The following MFAP3L variants were observed in gnomAD, a reference collection of about 807,000 sequenced individuals.
MFAP3L encodes microfibrillar-associated protein 3-like.
Under a neutral mutation model 20.0 loss-of-function variants are expected in MFAP3L, and 5 were observed. That is an observed-to-expected ratio of 0.25 (90% CI 0.13 to 0.53). The LOEUF (loss-of-function observed/expected upper bound fraction) is 0.53, where lower values mean the gene tolerates loss of function less well. MFAP3L is among the 20% of genes least tolerant of loss of function. MFAP3L has a pLI of 0.96. For missense variants in MFAP3L, 409 were observed against 527.5 expected, an observed-to-expected ratio of 0.78 and a Z score of 2.20; for synonymous variants, 219 against 213.0, an observed-to-expected ratio of 1.03 and a Z score of -0.25.
intron 1 of MFAP3L, among the ~76,000 whole-genome samples, chr4:170,025,120 T>C (rs1469044105): frequency 6.6e-6 from 1 of 152,232 alleles, no homozygotes; most frequent in Non-Finnish European, 1.5e-5. Flanking sequence ...AATAAACAAC[T>C]GTAGAAACCA....
Position 170,013,445 on chromosome 4 carries a change from C to G in MFAP3L, c.-133-7435G>C, listed in dbSNP as rs540266721. On this transcript the variant is annotated intron_variant, in intron 1 of 2. Coordinates refer to ENST00000361618, the MANE Select transcript of MFAP3L (RefSeq NM_021647.8). ...ATATAATTATCAAGCAAGATAAAAA[C>G]AGGTCTACACATCTCTTCTCAGAAC... is the stretch of plus-strand genomic sequence containing the variant. 2.0e-5 allele frequency among the ~76,000 whole-genome samples: 3 copies of G among 152,256 alleles called. No individual in the cohort carries two copies. The South Asian group carries it at 6.2e-4, about 32-fold the overall frequency.
chr4:169,993,149 GA>G (rs1737859729), intron 2 of MFAP3L, among the ~76,000 whole-genome samples: 1 of 152,150 alleles, frequency 6.6e-6, no homozygotes, highest in African/African-American at 2.4e-5. Context: ...TGAATTCAGT[GA>G]AACACTTTGG....
upstream of MFAP3L, chr4:170,026,569 A>AGCCAGTCGGTGCTGCGGG (rs1730448943): frequency 1.3e-5 from 2 of 151,022 alleles, no homozygotes; most frequent in Non-Finnish European, 3.0e-5. Flanking sequence ...GGTGCTGCGG[A>AGCCAGTCGGTGCTGCGGG]GCGGCCCCGC....
In MFAP3L at chr4:169,992,308, T is replaced by C. The variant is rs1313373156; in HGVS notation, c.300A>G (p.Gly100=). The change falls in exon 3 of 3, where the codon GGA becomes GGG. Residue 100 remains glycine (G), a splice_region_variant and synonymous_variant. Coordinates refer to ENST00000361618, the MANE Select transcript of MFAP3L (RefSeq NM_021647.8). The surrounding 1 kb of genome is among the most constrained non-coding windows in gnomAD (Gnocchi z 4.3). The stretch of plus-strand genomic sequence containing the variant: ...GGCCGCTGTCGTGCATTTGCCATTT[T>C]CCTGTCGGAAGGGAGAGAAGAGAAT... ...EEEDEKERGG[G]KWQMHDSGLL... is the part of the protein sequence containing the mutation. 6.2e-7 allele frequency: 1 copy of C among 1,603,184 alleles called. No individual in the cohort carries two copies. The highest frequency in any genetic ancestry group is 1.7e-5 in the Admixed American group (1 of 59,414).
Position 170,005,813 on chromosome 4 carries a change from A to G in MFAP3L, c.65T>C (p.Val22Ala), listed in dbSNP as rs1738995461. ...FLPSVPFLIL[V>A]STLATAKSVT... is the part of the protein sequence containing the mutation. ...ACTCTTAGCGGTGGCTAGAGTGGAT[A>G]CTAGGATTAAAAAGGGCACAGAAGG... Residue 22 changes from valine (V) to alanine (A), a missense_variant, in exon 2 of 3, where the codon GTA (valine) becomes GCA (alanine). Val to Ala is a moderately conservative substitution (Grantham distance 64). This residue lies in a region of MFAP3L where 113 missense variants were observed against 131.1 expected (regional missense o/e 0.86). Transcript: ENST00000361618. 6.2e-7 allele frequency: 1 copy of G among 1,614,206 alleles called. No individual in the cohort carries two copies. The highest frequency in any genetic ancestry group is 1.1e-5 in the South Asian group (1 of 91,082).
intron 1 of MFAP3L, among the ~76,000 whole-genome samples, chr4:170,024,822 A>G (rs1172961867): frequency 6.6e-6 from 1 of 152,214 alleles, no homozygotes; most frequent in East Asian, 1.9e-4. Context: ...TTAGAGCTGG[A>G]GCCATCTCAG....
Position 169,987,229 on chromosome 4 carries a change from C to T in MFAP3L, c.*4149G>A, listed in dbSNP as rs1467551521. On this transcript the variant is annotated 3_prime_UTR_variant, in exon 3 of 3. Coordinates refer to ENST00000361618, the MANE Select transcript of MFAP3L (RefSeq NM_021647.8). Reference sequence around the variant, plus strand: ...CTAAAAATGTCATTAGGAAAATAAACTGTGCTATTTACTGAAGGATTTTTT... The same window carrying T: ...CTAAAAATGTCATTAGGAAAATAAATTGTGCTATTTACTGAAGGATTTTTT... The T allele has an allele frequency of 6.6e-6, 1 of 152,128 alleles. No homozygotes were observed. Among genetic ancestry groups the T allele is most frequent in the Non-Finnish European group, 1.5e-5 (1 of 68,026 alleles). 9.4% of individuals were successfully genotyped at this position (152,128 alleles called of 1,614,324 possible).
Position 169,992,315 on chromosome 4 carries a change from G to A in MFAP3L, c.299-6C>T, listed in dbSNP as rs367588803. 38 of 1,597,974 alleles carry A rather than the reference G, an allele frequency of 2.4e-5. No homozygotes were observed. In the African/African-American group the frequency reaches 2.4e-4, roughly 10 times the overall value. On this transcript the variant is annotated splice_region_variant and splice_polypyrimidine_tract_variant and intron_variant, in intron 2 of 2. Coordinates refer to ENST00000361618, the MANE Select transcript of MFAP3L (RefSeq NM_021647.8). The surrounding 1 kb of genome is among the most constrained non-coding windows in gnomAD (Gnocchi z 4.3). ...GTCGTGCATTTGCCATTTTCCTGTC[G>A]GAAGGGAGAGAAGAGAATTCAACCA... is the stretch of plus-strand genomic sequence containing the variant.
In MFAP3L at chr4:169,991,545, C is replaced by T. The variant is rs377317381; in HGVS notation, c.1063G>A (p.Glu355Lys). 37 of 1,613,972 alleles carry T rather than the reference C, an allele frequency of 2.3e-5. No individual in the cohort carries two copies. Among genetic ancestry groups the T allele is most frequent in the Admixed American group, 1.2e-4 (7 of 59,988 alleles). Residue 355 changes from glutamate to lysine, a missense_variant, in exon 3 of 3, where the codon GAA (glutamate) becomes AAA (lysine). By Grantham distance (56) the Glu-to-Lys change is moderately conservative. This residue lies in a region of MFAP3L where 169 missense variants were observed against 178.2 expected (regional missense o/e 0.95). Transcript: ENST00000361618. This position sits in a 1 kb window ranked among gnomAD's most constrained non-coding sequence, Gnocchi z 4.9. ...ETELSAEHSP[E>K]TAEPSTDVTS... ...ACATCGGTAGAAGGTTCTGCAGTTT[C>T]GGGGGAATGTTCCGCCGACAGTTCT... is the stretch of plus-strand genomic sequence containing the variant.
rs901231271 is a variant in MFAP3L at position 170,001,901 on chromosome 4, T to C, written c.298+3679A>G. ...GCAAACCAGCTGCTGCTCCTGCCAA[T>C]GACAGGAAATAGCCCCATTCTCTCT... On this transcript the variant is annotated intron_variant, in intron 2 of 2. Transcript: ENST00000361618. The C allele has an allele frequency of 6.1e-6, 6 of 983,812 alleles. No individual in the cohort carries two copies. The African/African-American group carries it at 1.0e-4, about 17-fold the overall frequency. The allele number at this position is 983,812 out of a possible 1,614,324, so 60.9% of individuals were successfully genotyped here.
At chr4:169,994,684 T>C (rs940977705) in intron 2 of MFAP3L, 2 of 412,008 alleles carry the variant, frequency 4.9e-6, no homozygotes, top group Non-Finnish European at 6.5e-6. Flanking sequence ...AAAAGGGGCA[T>C]AGCTTGGAAT....
Position 170,011,246 on chromosome 4 carries a change from C to G in MFAP3L, c.-133-5236G>C, listed in dbSNP as rs555618495. 1.3e-4 allele frequency among the ~76,000 whole-genome samples: 20 copies of G among 152,272 alleles called. No individual in the cohort carries two copies. The South Asian group carries it at 3.3e-3, about 25-fold the overall frequency. On this transcript the variant is annotated intron_variant, in intron 1 of 2. Transcript: ENST00000361618. The stretch of plus-strand genomic sequence containing the variant: ...TCTTTATTAGCAGCATGAAAACAAA[C>G]AGACGCATATGGGAATCTAAAGTCA...
In MFAP3L at chr4:169,991,708, G is replaced by A. The variant is rs1177943418; in HGVS notation, c.900C>T (p.Ala300=). The A allele has an allele frequency of 3.1e-6, 5 of 1,613,994 alleles. No homozygotes were observed. The highest frequency in any genetic ancestry group is 1.6e-4 in the Middle Eastern group (1 of 6,084). ...GCAGCGATGAGGCGTCCGAGTCAGC[G>A]GCAGGGGAGTCGCTCCGCTTCAGAG... The part of the protein sequence containing the change: ...PNSLKRSDSP[A]ADSDASSLHE... Residue 300 remains alanine, a synonymous_variant, in exon 3 of 3, where the codon GCC becomes GCT. Coordinates refer to ENST00000361618, the MANE Select transcript of MFAP3L (RefSeq NM_021647.8). The surrounding 1 kb of genome is among the most constrained non-coding windows in gnomAD (Gnocchi z 4.9).
In MFAP3L at chr4:169,991,702, G is replaced by C. The variant is rs544525337; in HGVS notation, c.906C>G (p.Asp302Glu). The change falls in exon 3 of 3, where the codon GAC becomes GAG. Residue 302 changes from aspartate to glutamate, a missense_variant. Physicochemically the swap from Asp to Glu is conservative, Grantham distance 45. Coordinates refer to ENST00000361618, the MANE Select transcript of MFAP3L (RefSeq NM_021647.8). The surrounding 1 kb of genome is among the most constrained non-coding windows in gnomAD (Gnocchi z 4.9). Reference sequence around the variant, plus strand: ...GCTCGTGCAGCGATGAGGCGTCCGAGTCAGCGGCAGGGGAGTCGCTCCGCT... The same window carrying C: ...GCTCGTGCAGCGATGAGGCGTCCGACTCAGCGGCAGGGGAGTCGCTCCGCT... ...SLKRSDSPAA[D>E]SDASSLHEQP... 29 of 1,614,198 alleles carry C rather than the reference G, an allele frequency of 1.8e-5. No homozygotes were observed. Among genetic ancestry groups the C allele is most frequent in the Non-Finnish European group, 2.1e-5 (25 of 1,180,048 alleles).
intron 2 of MFAP3L, among the ~76,000 whole-genome samples, chr4:169,995,563 A>ATCTC (rs1415773793): frequency 6.6e-6 from 1 of 152,214 alleles, no homozygotes; most frequent in Non-Finnish European, 1.5e-5. Flanking sequence ...TTGTCCAGAC[A>ATCTC]GGAACATCTC....
intron 1 of MFAP3L, among the ~76,000 whole-genome samples, chr4:170,006,245 T>G (rs1403847528): frequency 6.6e-6 from 1 of 152,016 alleles, no homozygotes; most frequent in Non-Finnish European, 1.5e-5. Context: ...ACCAAGTAGC[T>G]GGGATTACAG....
intron 2 of MFAP3L, chr4:169,994,113 TCTAA>T (rs1581450654): frequency 3.2e-6 from 3 of 938,666 alleles, no homozygotes; most frequent in Non-Finnish European, 3.8e-6. Flanking sequence ...AGAACAAAAG[TCTAA>T]CTGATTGAAA....
At chr4:169,996,107 TCA>T (rs775571663) in intron 2 of MFAP3L, among the ~76,000 whole-genome samples, 6 of 149,140 alleles carry the variant, frequency 4.0e-5, no homozygotes, top group Non-Finnish European at 7.4e-5. Context: ...GCTAAAATGC[TCA>T]CACACGCTGC....
At position 170,021,595 on chromosome 4, in the gene MFAP3L, ATT is replaced by A. The variant is rs563047820; in HGVS notation, c.-134+4637_-134+4638del. Among the ~76,000 whole-genome samples, 189 of 152,250 alleles carry A rather than the reference ATT, an allele frequency of 1.2e-3. 1 individual carries two copies. Among genetic ancestry groups the A allele is most frequent in the South Asian group, 4.6e-3 (22 of 4,820 alleles). ...CTTCTTTTACCACATTGTCTGAAAA[ATT>A]TGTTTTTCTTACATGCAGTTCAGTT... On this transcript the variant is annotated intron_variant, in intron 1 of 2. Transcript: ENST00000361618.
Sources: allele counts gnomAD v4.1 joint callset (sites outside exome capture counted in the v4.1 genomes callset), GRCh38; gene constraint gnomAD v4.1.1; regional missense constraint gnomAD v4.1.1; non-coding constraint Gnocchi (gnomAD v3.1); transcripts MANE v1.5; gene names NCBI Gene and HGNC (gene_info 2026-07-23, HGNC 2026-07-21).